Variants in IBTK observed in about 807,000 individuals in gnomAD.
The protein encoded by IBTK is BTK-binding protein.
IBTK carries 83 observed loss-of-function variants against 154.9 expected under a neutral mutation model. That is an observed-to-expected ratio of 0.54 (90% CI 0.45 to 0.64). The LOEUF (loss-of-function observed/expected upper bound fraction) is 0.64. Ranked by LOEUF, IBTK falls within the 30% of genes least tolerant of loss-of-function variation. The pLI, the probability that IBTK is intolerant of heterozygous loss-of-function variation, is 0.00. For missense variants in IBTK, 1,332 were observed against 1,584.6 expected (o/e 0.84, Z 2.71); for synonymous variants, 515 against 536.1 (o/e 0.96, Z 0.54).
chr6:82,195,986 G>C (rs1768971355), intron 22 of IBTK, among the ~76,000 whole-genome samples: 1 of 152,090 alleles, frequency 6.6e-6, no homozygotes, highest in South Asian at 2.1e-4. Flanking sequence ...CATTTCACAA[G>C]ATAAATTTCA....
chr6:82,191,269 C>T, intron 24 of IBTK, 53 bp from the exon 25 acceptor site: 1 of 1,377,984 alleles, frequency 7.3e-7, no homozygotes, highest in Non-Finnish European at 1.0e-6. Context: ...AGTTTAATTC[C>T]ATGAGAAATC....
intron 1 of IBTK, among the ~76,000 whole-genome samples, chr6:82,241,277 G>A (rs1386525094): frequency 6.6e-6 from 1 of 151,966 alleles, no homozygotes; most frequent in African/African-American, 2.4e-5. Flanking sequence ...CACAAGCTAT[G>A]AATACGCTTA....
At chr6:82,227,095 G>T in intron 5 of IBTK, 97 bp downstream of exon 5, 25 of 667,988 alleles carry the variant, frequency 3.7e-5, no homozygotes, top group Admixed American at 1.0e-4. Flanking sequence ...GTATTATTTC[G>T]TCCTTACAGT....
intron 22 of IBTK, among the ~76,000 whole-genome samples, chr6:82,195,844 G>A (rs1049185707): frequency 6.6e-6 from 1 of 152,136 alleles, no homozygotes; most frequent in Non-Finnish European, 1.5e-5. Flanking sequence ...TGCTAGATTA[G>A]GAGAAGAACT....
At chr6:82,237,657 T>G (rs1770776853) in intron 2 of IBTK, among the ~76,000 whole-genome samples, 1 of 140,312 alleles carries the variant, frequency 7.1e-6, no homozygotes, top group Non-Finnish European at 1.5e-5. Context: ...TAGAAGATAG[T>G]AGTGGTAGTA....
intron 25 of IBTK, 110 bp from the exon 26 acceptor site, chr6:82,182,138 T>C: frequency 9.9e-7 from 1 of 1,015,136 alleles, no homozygotes; most frequent in Admixed American, 2.7e-5. Flanking sequence ...CAATATACAA[T>C]TGCAGTTTTC....
At chr6:82,191,270 A>G in intron 24 of IBTK, 54 bp from the exon 25 acceptor site, 2 of 1,379,612 alleles carry the variant, frequency 1.4e-6, no homozygotes, top group Non-Finnish European at 2.0e-6. Flanking sequence ...GTTTAATTCC[A>G]TGAGAAATCA....
At position 82,234,214 on chromosome 6, in the gene IBTK, T is replaced by G. The variant is rs1385287572; in HGVS notation, c.363A>C (p.Ser121=). The change falls in exon 3 of 29, where the codon TCA becomes TCC. Residue 121 remains serine (S), a synonymous_variant. Coordinates refer to ENST00000306270, the MANE Select transcript of IBTK (RefSeq NM_015525.4). ...SLYIQDKEGL[S]ALDLVMKDRP... is the part of the protein sequence containing the mutation. ...TATCCTTCATTACAAGATCCAAAGC[T>G]GACAAGCCTTCTTTATCTTGAATAT... The G allele has an allele frequency of 6.2e-7, 1 of 1,604,550 alleles. No homozygotes were observed. The highest frequency in any genetic ancestry group is 8.5e-7 in the Non-Finnish European group (1 of 1,173,610).
intron 28 of IBTK, 138 bp from the exon 29 acceptor site, chr6:82,171,694 C>T: frequency 1.4e-6 from 1 of 721,954 alleles, no homozygotes; most frequent in Non-Finnish European, 2.3e-6. Context: ...AGGTATCCTG[C>T]ATTTTAAATC....
At chr6:82,211,280 C>G in intron 15 of IBTK, 87 bp downstream of exon 15, 1 of 1,036,666 alleles carries the variant, frequency 9.6e-7, no homozygotes, top group South Asian at 1.8e-5. Context: ...ATATCCAGTT[C>G]TGATTTTGAA....
intron 3 of IBTK, among the ~76,000 whole-genome samples, chr6:82,232,768 C>T (rs774360082): frequency 6.6e-6 from 1 of 152,150 alleles, no homozygotes; most frequent in African/African-American, 2.4e-5. Context: ...GTAATCCCAG[C>T]ACTTTGAGAG....
chr6:82,216,078 T>C lies in IBTK; in HGVS notation c.1599A>G (p.Thr533=). 1 of 1,601,918 alleles carries C rather than the reference T, an allele frequency of 6.2e-7. No homozygotes were observed. Among genetic ancestry groups the C allele is most frequent in the East Asian group, 2.2e-5 (1 of 44,792 alleles). ...NFAILQSDPK[T]SLYEIPAVSS... ...AAATTTAATATATACAAGTATACCT[T>C]GTTTTAGGATCTGACTGCAGGATTG... Residue 533 remains threonine (T), a splice_region_variant and synonymous_variant, in exon 11 of 29, where the codon ACA becomes ACG. Coordinates refer to ENST00000306270, the MANE Select transcript of IBTK (RefSeq NM_015525.4).
At chr6:82,200,074 C>G in intron 21 of IBTK, 67 bp downstream of exon 21, 1 of 962,706 alleles carries the variant, frequency 1.0e-6, no homozygotes, top group South Asian at 1.5e-5. Context: ...GTAGCCCCAG[C>G]AGATGACATA....
At chr6:82,209,571 G>A (rs947113629) in intron 16 of IBTK, among the ~76,000 whole-genome samples, 1 of 152,188 alleles carries the variant, frequency 6.6e-6, no homozygotes, top group Non-Finnish European at 1.5e-5. Context: ...ATAAGAGAGA[G>A]TGGGAAGTGT....
At chr6:82,239,946 T>C (rs1770878896) in intron 2 of IBTK, among the ~76,000 whole-genome samples, 1 of 152,196 alleles carries the variant, frequency 6.6e-6, no homozygotes, top group Non-Finnish European at 1.5e-5. Flanking sequence ...GTTCATTATA[T>C]ATAGTAAGCA....
chr6:82,199,352 A>T (rs1344201090), intron 21 of IBTK, among the ~76,000 whole-genome samples: 1 of 152,180 alleles, frequency 6.6e-6, no homozygotes, highest in Non-Finnish European at 1.5e-5. Context: ...AAATCTGAAT[A>T]AAATGTACAT....
At chr6:82,226,847 C>A (rs572443445) in intron 5 of IBTK, among the ~76,000 whole-genome samples, 1 of 152,270 alleles carries the variant, frequency 6.6e-6, no homozygotes, top group African/African-American at 2.4e-5. Flanking sequence ...CTCAGGTGAT[C>A]CGCCTGCTTC....
chr6:82,225,117 T>C (rs1770245190), intron 6 of IBTK, among the ~76,000 whole-genome samples: 1 of 148,764 alleles, frequency 6.7e-6, no homozygotes, highest in Admixed American at 6.8e-5. Context: ...CTGGTCAACA[T>C]GACAAAACCC....
intron 12 of IBTK, 79 bp downstream of exon 12, chr6:82,214,148 G>A: frequency 3.7e-6 from 5 of 1,343,746 alleles, no homozygotes; most frequent in Non-Finnish European, 4.1e-6. Flanking sequence ...GTAGAGATGG[G>A]GTTTCACAGT....
Sources: gnomAD v4.1 joint callset for allele counts (sites outside exome capture counted in the v4.1 genomes callset) on GRCh38, gnomAD v4.1.1 for gene constraint, MANE v1.5 for transcripts, NCBI Gene and HGNC (gene_info 2026-07-23, HGNC 2026-07-21) for gene names.